GHR: variants seen among roughly 807,000 people sequenced by gnomAD.
GHR encodes the protein growth hormone receptor.
GHR carries 35 observed loss-of-function variants against 67.1 expected under a neutral mutation model. That is an observed-to-expected ratio of 0.52 (90% CI 0.40 to 0.69). GHR has a LOEUF of 0.69. Among genes scored for constraint, GHR ranks in the 30% least tolerant of loss-of-function variants. The pLI is 0.00. For synonymous variants in GHR, 272 were observed against 269.1 expected (o/e 1.01, Z -0.10); for missense variants, 792 against 764.6 (o/e 1.04, Z -0.42).
intron 2 of GHR, among the ~76,000 whole-genome samples, chr5:42,589,606 A>G (rs562432696): frequency 5.3e-5 from 8 of 152,310 alleles, no homozygotes; most frequent in African/African-American, 1.9e-4. Flanking sequence ...AAAATAGTCT[A>G]TGGAATATAT....
rs1245007153 is a variant in GHR at position 42,643,037 on chromosome 5, T to G, written c.136+13934T>G. Among the ~76,000 whole-genome samples, 8 of 152,170 alleles carry G rather than the reference T, an allele frequency of 5.3e-5. 1 individual carries two copies. Among genetic ancestry groups the G allele is most frequent in the Admixed American group, 2.0e-4 (3 of 15,268 alleles). ...CTCAATTATACCTTAATTATATCTG[T>G]AAAGACCCTTTTTCCAACTAAAGTC... On this transcript the variant is annotated intron_variant, in intron 3 of 9. Coordinates refer to ENST00000230882, the MANE Select transcript of GHR (RefSeq NM_000163.5).
intron 2 of GHR, among the ~76,000 whole-genome samples, chr5:42,581,036 C>T (rs970765673): frequency 5.9e-5 from 9 of 152,172 alleles, no homozygotes; most frequent in Non-Finnish European, 8.8e-5. Context: ...GATGAGGATG[C>T]GTCTCTTGAT....
intron 8 of GHR, chr5:42,715,108 G>T (rs1228301740): frequency 5.5e-6 from 2 of 362,622 alleles, no homozygotes; most frequent in Non-Finnish European, 1.1e-5. Flanking sequence ...TAACTATAAT[G>T]TTTAGTCAAA....
chr5:42,482,155 C>G (rs1745670761), intron 1 of GHR, among the ~76,000 whole-genome samples: 1 of 152,210 alleles, frequency 6.6e-6, no homozygotes, highest in Admixed American at 6.5e-5. Flanking sequence ...ACTCCAGACC[C>G]TGTTTGCCTG....
intron 9 of GHR, 117 bp from the exon 10 acceptor site, chr5:42,718,336 T>C (rs2111863573): frequency 1.2e-6 from 1 of 815,088 alleles, no homozygotes; most frequent in East Asian, 2.5e-5. Flanking sequence ...TTTTTTTATA[T>C]GTTTTGTTAC....
intron 1 of GHR, chr5:42,465,446 G>A: frequency 6.3e-7 from 1 of 1,576,322 alleles, no homozygotes; most frequent in South Asian, 1.1e-5. Context: ...CTCATCCAAA[G>A]TCATCTCTTT....
At chr5:42,521,181 C>T (rs1485911169) in intron 1 of GHR, among the ~76,000 whole-genome samples, 1 of 152,090 alleles carries the variant, frequency 6.6e-6, no homozygotes, top group Admixed American at 6.6e-5. Context: ...GGACAAGAGT[C>T]CTATTGTGCT....
rs1349630943 is a variant in GHR at position 42,629,819 on chromosome 5, AATT to A, written c.136+720_136+722del. Among the ~76,000 whole-genome samples, 2 of 131,904 alleles carry A rather than the reference AATT, an allele frequency of 1.5e-5. 1 individual carries two copies. The highest frequency in any genetic ancestry group is 3.2e-5 in the Non-Finnish European group (2 of 62,388). 86.5% of individuals were successfully genotyped at this position (131,904 alleles called of 152,430 possible). On this transcript the variant is annotated intron_variant, in intron 3 of 9. Coordinates refer to ENST00000230882, the MANE Select transcript of GHR (RefSeq NM_000163.5). The stretch of plus-strand genomic sequence containing the variant: ...GCCTCTTTTTATAAATTCTTTTTAA[AATT>A]ATTTTCATTATTATCTTGAAGTATT...
chr5:42,525,740 T>A (rs936847269), intron 1 of GHR, among the ~76,000 whole-genome samples: 8 of 152,138 alleles, frequency 5.3e-5, no homozygotes, highest in Non-Finnish European at 1.0e-4. Context: ...GGTAATTGAA[T>A]CATGGGGGCC....
intron 3 of GHR, among the ~76,000 whole-genome samples, chr5:42,656,857 C>T (rs1755282289): frequency 6.6e-6 from 1 of 152,120 alleles, no homozygotes; most frequent in Admixed American, 6.6e-5. Flanking sequence ...TACTTATTTG[C>T]TGCCATCTAG....
rs1200679592 is a variant in GHR at position 42,719,884 on chromosome 5, G to A, written c.*460G>A. On this transcript the variant is annotated 3_prime_UTR_variant, in exon 10 of 10. Transcript: ENST00000230882. ...TTATTTAAAAAACTAAAAACTAGAG[G>A]TGAGAAATTTAAACTATAAGCAAGA... 5.5e-6 allele frequency: 1 copy of A among 181,898 alleles called. No individual in the cohort carries two copies. The highest frequency in any genetic ancestry group is 5.5e-5 in the Admixed American group (1 of 18,318). 11.3% of individuals were successfully genotyped at this position (181,898 alleles called of 1,614,324 possible).
At chr5:42,646,106 C>G in intron 3 of GHR, among the ~76,000 whole-genome samples, 1 of 152,104 alleles carries the variant, frequency 6.6e-6, no homozygotes, top group Admixed American at 6.5e-5. Context: ...TCCTCCTGCC[C>G]CTAAGGTTCC....
chr5:42,474,588 G>A (rs1232870822), intron 1 of GHR, among the ~76,000 whole-genome samples: 1 of 152,014 alleles, frequency 6.6e-6, no homozygotes, highest in Admixed American at 6.6e-5. Context: ...CTAAGCCTGG[G>A]AACCACGATG....
intron 1 of GHR, among the ~76,000 whole-genome samples, chr5:42,480,329 G>A (rs1476281991): frequency 6.6e-6 from 1 of 152,172 alleles, no homozygotes; most frequent in Non-Finnish European, 1.5e-5. Flanking sequence ...TTTTGGAATA[G>A]GTGTGGTATG....
intron 3 of GHR, among the ~76,000 whole-genome samples, chr5:42,662,073 C>T (rs1755666272): frequency 6.6e-6 from 1 of 152,172 alleles, no homozygotes; most frequent in Admixed American, 6.5e-5. Context: ...AATATATATG[C>T]ACCCAATACA....
rs182383596 is a variant in GHR at position 42,467,336 on chromosome 5, T to C, written c.-12+43381T>C. The C allele has an allele frequency of 2.0e-5, 21 of 1,068,996 alleles. No individual in the cohort carries two copies. The East Asian group carries it at 4.7e-4, about 24-fold the overall frequency. 66.2% of individuals were successfully genotyped at this position (1,068,996 alleles called of 1,614,324 possible). On this transcript the variant is annotated intron_variant, in intron 1 of 9. Transcript: ENST00000230882. ...CCAGTATGGCTTCGCTGATGTACAATAAGATTTGCAATCTGCGTAAAGGCT... is the reference window on the plus strand; with the variant it reads ...CCAGTATGGCTTCGCTGATGTACAACAAGATTTGCAATCTGCGTAAAGGCT...
At chr5:42,540,982 A>T (rs1457977986) in intron 1 of GHR, among the ~76,000 whole-genome samples, 2 of 139,284 alleles carry the variant, frequency 1.4e-5, no homozygotes, top group Admixed American at 1.5e-4. Context: ...TCATCTTCTG[A>T]TTCACAGGAA....
At chr5:42,569,778 T>A (rs1167289000) in intron 2 of GHR, among the ~76,000 whole-genome samples, 1 of 152,208 alleles carries the variant, frequency 6.6e-6, no homozygotes, top group Non-Finnish European at 1.5e-5. Context: ...AGTATATGTA[T>A]GTGCACACCA....
intron 3 of GHR, among the ~76,000 whole-genome samples, chr5:42,660,622 A>G (rs528039908): frequency 6.6e-6 from 1 of 152,280 alleles, no homozygotes; most frequent in East Asian, 1.9e-4. Flanking sequence ...CATCACCATC[A>G]TCAAAGACCA....
Sources: allele counts gnomAD v4.1 joint callset (sites outside exome capture counted in the v4.1 genomes callset), GRCh38; gene constraint gnomAD v4.1.1; transcripts MANE v1.5; gene names NCBI Gene and HGNC (gene_info 2026-07-23, HGNC 2026-07-21).